TENM3: variants seen among roughly 807,000 people sequenced by gnomAD.
The protein encoded by TENM3 is teneurin-3.
Under a neutral mutation model 255.1 loss-of-function variants are expected in TENM3, and 63 were observed. That is an observed-to-expected ratio of 0.25 (90% CI 0.20 to 0.30). TENM3 has a LOEUF of 0.30. Ranked by LOEUF, TENM3 falls within the 10% of genes least tolerant of loss-of-function variation. TENM3 has a pLI of 1.00. For missense variants in TENM3, 2,929 were observed against 3,461.1 expected, an observed-to-expected ratio of 0.85 and a Z score of 3.86; for synonymous variants, 1,306 against 1,322.3, an observed-to-expected ratio of 0.99 and a Z score of 0.27.
the TENM3 span, among the ~76,000 whole-genome samples, chr4:181,811,994 T>C: frequency 1.3e-5 from 2 of 152,256 alleles, no homozygotes; most frequent in African/African-American, 4.8e-5. Flanking sequence ...TGCCTTTTGA[T>C]GATGGTTAAT....
the TENM3 span, among the ~76,000 whole-genome samples, chr4:181,838,107 G>A: frequency 2.0e-5 from 3 of 149,144 alleles, no homozygotes; most frequent in African/African-American, 7.4e-5. Context: ...CACTGCAACT[G>A]CAGCCTGGGC....
At chr4:181,900,680 G>A in the TENM3 span, among the ~76,000 whole-genome samples, 2 of 152,078 alleles carry the variant, frequency 1.3e-5, no homozygotes, top group African/African-American at 4.8e-5. Flanking sequence ...CATTAATTGG[G>A]CCTCTGCTCT....
chr4:182,527,305 C>A (rs1197494173), intron 3 of TENM3, among the ~76,000 whole-genome samples: 1 of 152,018 alleles, frequency 6.6e-6, no homozygotes, highest in African/African-American at 2.4e-5. Flanking sequence ...TTGCTTGCTG[C>A]CAGGTAAGAG....
At chr4:181,862,520 G>GA in the TENM3 span, among the ~76,000 whole-genome samples, 4 of 151,538 alleles carry the variant, frequency 2.6e-5, no homozygotes, top group Admixed American at 6.6e-5. Flanking sequence ...CCTCCCTGCA[G>GA]AAAAAAAATA....
the TENM3 span, among the ~76,000 whole-genome samples, chr4:181,675,592 T>C: frequency 6.6e-6 from 1 of 152,102 alleles, no homozygotes; most frequent in Non-Finnish European, 1.5e-5. Context: ...GGTACTATGA[T>C]GGGCACTGCA....
At chr4:181,641,166 G>A in the TENM3 span, among the ~76,000 whole-genome samples, 3 of 151,906 alleles carry the variant, frequency 2.0e-5, no homozygotes, top group African/African-American at 7.3e-5. Context: ...AAAATGGCCT[G>A]TACATGAAAA....
chr4:181,708,715 G>C, the TENM3 span, among the ~76,000 whole-genome samples: 1 of 152,004 alleles, frequency 6.6e-6, no homozygotes, highest in Admixed American at 6.5e-5. Flanking sequence ...CATGAAACCT[G>C]TTGCCAGAGA....
the TENM3 span, among the ~76,000 whole-genome samples, chr4:181,507,927 T>A: frequency 6.6e-6 from 1 of 152,212 alleles, no homozygotes; most frequent in Non-Finnish European, 1.5e-5. Flanking sequence ...GAAAAGGCGA[T>A]TAAAATCTGC....
At chr4:181,849,824 A>G in the TENM3 span, among the ~76,000 whole-genome samples, 1 of 152,134 alleles carries the variant, frequency 6.6e-6, no homozygotes, top group Non-Finnish European at 1.5e-5. Flanking sequence ...TGAATGAAAG[A>G]CCAAAATTAA....
chr4:182,546,553 G>A (rs1741469478), intron 3 of TENM3, among the ~76,000 whole-genome samples: 1 of 151,818 alleles, frequency 6.6e-6, no homozygotes, highest in Non-Finnish European at 1.5e-5. Flanking sequence ...CTTCTGCCTT[G>A]GCCTCCCAAA....
At chr4:182,274,245 A>G (rs1759840395) in intron 1 of TENM3, among the ~76,000 whole-genome samples, 1 of 152,228 alleles carries the variant, frequency 6.6e-6, no homozygotes, top group African/African-American at 2.4e-5. Context: ...TTGGTTTTGT[A>G]CATTGTAGTC....
chr4:182,292,996 C>T (rs1218791091), intron 1 of TENM3, among the ~76,000 whole-genome samples: 1 of 152,180 alleles, frequency 6.6e-6, no homozygotes, highest in Non-Finnish European at 1.5e-5. Context: ...GGGAGCTGGG[C>T]TTATTGTCAT....
the TENM3 span, among the ~76,000 whole-genome samples, chr4:181,712,658 C>G: frequency 6.6e-6 from 1 of 152,214 alleles, no homozygotes; most frequent in South Asian, 2.1e-4. Flanking sequence ...TTTTCGCTCT[C>G]TTGGGAAACA....
At chr4:181,893,411 A>G in the TENM3 span, among the ~76,000 whole-genome samples, 1 of 151,726 alleles carries the variant, frequency 6.6e-6, no homozygotes, top group East Asian at 1.9e-4. Flanking sequence ...TTATGATAAT[A>G]TAGCTAATAA....
At chr4:182,331,536 G>GA (rs5864778) in intron 2 of TENM3, among the ~76,000 whole-genome samples, 113,937 of 151,852 alleles carry the variant, frequency 0.75, 42,860 homozygotes, top group Admixed American at 0.85. Flanking sequence ...GACAGAGTGA[G>GA]CTCTGTCTCC....
intron 2 of TENM3, among the ~76,000 whole-genome samples, chr4:182,334,584 A>G (rs1466311587): frequency 6.6e-6 from 1 of 152,160 alleles, no homozygotes; most frequent in African/African-American, 2.4e-5. Flanking sequence ...AATCATGTCT[A>G]TATGATATTG....
At chr4:182,087,456 C>T in the TENM3 span, among the ~76,000 whole-genome samples, 3 of 152,266 alleles carry the variant, frequency 2.0e-5, no homozygotes, top group African/African-American at 7.2e-5. Flanking sequence ...ACCAGGAGAT[C>T]GTTTGGTGCT....
chr4:182,341,846 A>T (rs577129877), intron 2 of TENM3, among the ~76,000 whole-genome samples: 3 of 152,354 alleles, frequency 2.0e-5, no homozygotes, highest in Admixed American at 2.0e-4. Context: ...TAGCAGACTC[A>T]CAGAATCAGC....
chr4:181,790,173 T>G, the TENM3 span, among the ~76,000 whole-genome samples: 66,933 of 152,034 alleles, frequency 0.44, 14,861 homozygotes, highest in Admixed American at 0.46. Flanking sequence ...TGGCATAGCC[T>G]GCTGGTGGCC....
Sources: allele counts gnomAD v4.1 joint callset (sites outside exome capture counted in the v4.1 genomes callset), GRCh38; gene constraint gnomAD v4.1.1; transcripts MANE v1.5; gene names NCBI Gene and HGNC (gene_info 2026-07-23, HGNC 2026-07-21).